VPS13B: variants seen among roughly 807,000 people sequenced by gnomAD.
VPS13B encodes the protein intermembrane lipid transfer protein VPS13B.
Under a neutral mutation model 426.4 loss-of-function variants are expected in VPS13B, and 285 were observed. That is an observed-to-expected ratio of 0.67 (90% CI 0.61 to 0.74). The LOEUF is 0.74. Among genes scored for constraint, VPS13B ranks in the 30% least tolerant of loss-of-function variants. VPS13B has a pLI of 0.00. For synonymous variants in VPS13B, 1,676 were observed against 1,676.4 expected (o/e 1.00, Z 0.01); for missense variants, 4,537 against 4,782.6 (o/e 0.95, Z 1.51).
chr8:99,110,256 TC>T (rs1847290893), intron 5 of VPS13B, among the ~76,000 whole-genome samples: 2 of 152,238 alleles, frequency 1.3e-5, no homozygotes, highest in African/African-American at 4.8e-5. Flanking sequence ...TTTTTTAAAT[TC>T]CCATGGCTAA....
intron 33 of VPS13B, among the ~76,000 whole-genome samples, chr8:99,601,827 G>A (rs535654721): frequency 3.7e-4 from 56 of 152,186 alleles, no homozygotes; most frequent in South Asian, 8.3e-4. Context: ...CATATCCTTC[G>A]CCCACTTTTT....
chr8:99,796,465 G>A (rs1220671021), intron 43 of VPS13B: 1 of 152,110 alleles, frequency 6.6e-6, no homozygotes, highest in African/African-American at 2.4e-5. Flanking sequence ...ATGCGAGATT[G>A]ATGATCCAGA....
At chr8:99,326,531 C>T (rs771659882) in intron 19 of VPS13B, among the ~76,000 whole-genome samples, 1 of 122,488 alleles carries the variant, frequency 8.2e-6, no homozygotes, top group Non-Finnish European at 1.6e-5. Flanking sequence ...CAGCTCACTG[C>T]AACCTCTGCC....
chr8:99,308,317 T>C (rs1027044975), intron 19 of VPS13B, among the ~76,000 whole-genome samples: 1 of 152,188 alleles, frequency 6.6e-6, no homozygotes, highest in African/African-American at 2.4e-5. Flanking sequence ...CTCCTAATGC[T>C]ATCTCTCCCC....
intron 25 of VPS13B, among the ~76,000 whole-genome samples, chr8:99,498,029 C>T (rs904866437): frequency 2.0e-5 from 3 of 152,036 alleles, no homozygotes; most frequent in Admixed American, 6.6e-5. Flanking sequence ...TTAGCCATCA[C>T]ATACCATTCA....
intron 35 of VPS13B, among the ~76,000 whole-genome samples, chr8:99,682,911 C>T (rs1166749685): frequency 1.3e-5 from 2 of 152,142 alleles, no homozygotes; most frequent in Non-Finnish European, 2.9e-5. Context: ...CTTGGTGCTC[C>T]ATTCTACTGA....
intron 23 of VPS13B, among the ~76,000 whole-genome samples, chr8:99,462,281 C>T (rs1818880607): frequency 6.6e-6 from 1 of 150,990 alleles, no homozygotes; most frequent in Non-Finnish European, 1.5e-5. Flanking sequence ...GTAAGAATAT[C>T]AAGATATCTT....
At chr8:99,807,677 T>TTGTGTGTGTGTG (rs144674961) in intron 43 of VPS13B, among the ~76,000 whole-genome samples, 2 of 146,190 alleles carry the variant, frequency 1.4e-5, no homozygotes, top group African/African-American at 5.0e-5. Flanking sequence ...CAGGGTGTGT[T>TTGTGTGTGTGTG]TGTGTGTGTG....
chr8:99,700,100 A>C (rs1421002588), intron 36 of VPS13B, among the ~76,000 whole-genome samples, 168 bp downstream of exon 36: 1 of 152,244 alleles, frequency 6.6e-6, no homozygotes, highest in Non-Finnish European at 1.5e-5. Flanking sequence ...AGATAATTTT[A>C]GAACAAATCC....
chr8:99,753,751 T>G (rs1163707933), intron 39 of VPS13B, among the ~76,000 whole-genome samples: 1 of 152,190 alleles, frequency 6.6e-6, no homozygotes, highest in South Asian at 2.1e-4. Context: ...TAAAAAGTAT[T>G]TCTCAGGGCT....
At chr8:99,475,027 T>A (rs748921718) in intron 24 of VPS13B, among the ~76,000 whole-genome samples, 1 of 152,178 alleles carries the variant, frequency 6.6e-6, no homozygotes, top group Non-Finnish European at 1.5e-5. Flanking sequence ...GGCTGAATTA[T>A]TGATAAAATG....
intron 31 of VPS13B, among the ~76,000 whole-genome samples, chr8:99,563,725 T>G (rs1825048464): frequency 6.6e-6 from 1 of 152,140 alleles, no homozygotes; most frequent in Non-Finnish European, 1.5e-5. Flanking sequence ...CATAATGTCA[T>G]GCTTGGCACA....
At chr8:99,378,106 C>T (rs893509594) in intron 19 of VPS13B, among the ~76,000 whole-genome samples, 75 of 145,824 alleles carry the variant, frequency 5.1e-4, no homozygotes, top group African/African-American at 1.3e-3. Context: ...CTGCATAAGG[C>T]GGACACCCCC....
At chr8:99,858,696 A>C (rs1235341535) in intron 56 of VPS13B, among the ~76,000 whole-genome samples, 7 of 152,010 alleles carry the variant, frequency 4.6e-5, no homozygotes, top group Admixed American at 4.6e-4. Context: ...AAAAAAAAAA[A>C]TGTCCCTGTC....
chr8:99,703,452 G>A (rs1381824529), intron 36 of VPS13B, among the ~76,000 whole-genome samples: 2 of 152,014 alleles, frequency 1.3e-5, no homozygotes, highest in Non-Finnish European at 2.9e-5. Flanking sequence ...TTCAGTAGAG[G>A]TAATGCTTGT....
rs1426875703 is a variant in VPS13B at position 99,641,854 on chromosome 8, G to C, written c.5264G>C (p.Gly1755Ala). The change falls in exon 34 of 62, where the codon GGC (glycine) becomes GCC (alanine). Residue 1755 changes from glycine (G) to alanine (A), a missense_variant. This residue lies in a region of VPS13B where 4,311 missense variants were observed against 4,474.3 expected (regional missense o/e 0.96). Coordinates refer to ENST00000357162, the MANE Select transcript of VPS13B (RefSeq NM_152564.5). ...AAAAAAGTGGATATATTTGATGGAG[G>C]CATGGCTGAAACCTCATCTCGCTAC... ...EQKKVDIFDG[G>A]MAETSSRYSG... The C allele has an allele frequency of 6.2e-7, 1 of 1,613,626 alleles. No individual in the cohort carries two copies. Among genetic ancestry groups the C allele is most frequent in the Admixed American group, 1.7e-5 (1 of 59,930 alleles).
intron 36 of VPS13B, among the ~76,000 whole-genome samples, chr8:99,704,286 A>G (rs1046948086): frequency 8.5e-5 from 13 of 152,218 alleles, no homozygotes; most frequent in Non-Finnish European, 4.4e-5. Flanking sequence ...TTCAGGACCA[A>G]TAAAATGTAA....
At chr8:99,458,312 T>C (rs1227008897) in intron 23 of VPS13B, among the ~76,000 whole-genome samples, 1 of 152,204 alleles carries the variant, frequency 6.6e-6, no homozygotes, top group Admixed American at 6.5e-5. Flanking sequence ...TAATCCAGTC[T>C]ATCGTTGTTG....
At position 99,871,571 on chromosome 8, in the gene VPS13B, G is replaced by C. The variant is rs113454700; in HGVS notation, c.11619G>C (p.Val3873=). The C allele has an allele frequency of 4.5e-4, 726 of 1,614,194 alleles. 6 individuals carry two copies. In the African/African-American group the frequency reaches 8.4e-3, roughly 19 times the overall value. The part of the protein sequence containing the change: ...LLLTSEVLFV[V]SVSEDTQQQA... The stretch of plus-strand genomic sequence containing the variant: ...TGACATCAGAAGTGCTCTTCGTGGT[G>C]AGTGTCAGTGAGGACACACAGCAGC... Residue 3873 remains valine, a synonymous_variant, in exon 61 of 62, where the codon GTG becomes GTC. Transcript: ENST00000357162.
Sources: gnomAD v4.1 joint callset for allele counts (sites outside exome capture counted in the v4.1 genomes callset) on GRCh38, gnomAD v4.1.1 for gene constraint, gnomAD v4.1.1 regional missense constraint, MANE v1.5 for transcripts, NCBI Gene and HGNC (gene_info 2026-07-23, HGNC 2026-07-21) for gene names.